The following FAM178B variants were observed in gnomAD, a reference collection of about 807,000 sequenced individuals.
FAM178B encodes family with sequence similarity 178 member B, also known as protein FAM178B.
FAM178B carries 82 observed loss-of-function variants against 91.7 expected under a neutral mutation model. That is an observed-to-expected ratio of 0.89 (90% CI 0.75 to 1.07). FAM178B has a LOEUF of 1.07. Ranked by LOEUF, FAM178B falls within the 50% of genes least tolerant of loss-of-function variation. The pLI, the probability that FAM178B is intolerant of heterozygous loss-of-function variation, is 0.00. For missense variants in FAM178B, 769 were observed against 846.7 expected (o/e 0.91, Z 1.14); for synonymous variants, 368 against 359.4 (o/e 1.02, Z -0.27).
chr2:96,955,844 C>T (rs1475368909), intron 6 of FAM178B, among the ~76,000 whole-genome samples: 7 of 152,182 alleles, frequency 4.6e-5, no homozygotes, highest in Non-Finnish European at 8.8e-5. Context: ...GTTTATTGCA[C>T]CTGGGCTTCA....
intron 6 of FAM178B, among the ~76,000 whole-genome samples, chr2:96,957,607 C>T (rs1019551855): frequency 2.6e-5 from 4 of 152,218 alleles, no homozygotes; most frequent in African/African-American, 7.2e-5. Context: ...ACTTCCTGCA[C>T]GCCATCCACT....
intron 1 of FAM178B, 107 bp from the exon 2 acceptor site, chr2:96,972,713 G>A (rs1293405143): frequency 3.0e-6 from 3 of 1,009,612 alleles, no homozygotes; most frequent in East Asian, 2.6e-5. Flanking sequence ...TGCCCAAGAG[G>A]GTCCGCCCTG....
chr2:96,931,933 G>A (rs1325667465), intron 8 of FAM178B, among the ~76,000 whole-genome samples: 1 of 151,266 alleles, frequency 6.6e-6, no homozygotes, highest in Non-Finnish European at 1.5e-5. Context: ...CCTCACAAAC[G>A]AGCTGGGAAG....
Position 96,986,518 on chromosome 2 carries a change from C to A in FAM178B, c.-205G>T. Reference sequence around the variant, plus strand: ...AGTTCTGGGGATTGAGTTCCGACTCCAAACCAAGCGGCCAGCTCACAGCCG... The same window carrying A: ...AGTTCTGGGGATTGAGTTCCGACTCAAAACCAAGCGGCCAGCTCACAGCCG... On this transcript the variant is annotated 5_prime_UTR_variant, in exon 1 of 17. Transcript: ENST00000490605. 1 of 625,998 alleles carries A rather than the reference C, an allele frequency of 1.6e-6. No homozygotes were observed. The highest frequency in any genetic ancestry group is 3.2e-5 in the East Asian group (1 of 30,814). The allele number at this position is 625,998 out of a possible 1,614,324, so 38.8% of individuals were successfully genotyped here.
At chr2:96,888,409 GAA>G (rs1448192869) in intron 14 of FAM178B, among the ~76,000 whole-genome samples, 1 of 152,270 alleles carries the variant, frequency 6.6e-6, no homozygotes, top group African/African-American at 2.4e-5. Context: ...CGAGAATGGA[GAA>G]AGAGGCTCCA....
chr2:96,937,302 T>C (rs1335880924), intron 8 of FAM178B, among the ~76,000 whole-genome samples: 1 of 152,212 alleles, frequency 6.6e-6, no homozygotes, highest in Non-Finnish European at 1.5e-5. Flanking sequence ...GACTAGGCTT[T>C]GGAATTTTAA....
intron 1 of FAM178B, among the ~76,000 whole-genome samples, chr2:96,984,856 T>C (rs931903792): frequency 2.0e-5 from 3 of 152,212 alleles, no homozygotes; most frequent in African/African-American, 7.2e-5. Context: ...TCATCTTCTC[T>C]GCCTGCGTCT....
chr2:96,968,110 C>G (rs1055156274), intron 4 of FAM178B, among the ~76,000 whole-genome samples: 2 of 151,604 alleles, frequency 1.3e-5, no homozygotes, highest in African/African-American at 4.8e-5. Flanking sequence ...CACACCAAGG[C>G]CTAGGGCTAG....
chr2:96,898,711 T>A (rs2080869370), intron 13 of FAM178B, among the ~76,000 whole-genome samples: 1 of 152,150 alleles, frequency 6.6e-6, no homozygotes, highest in Non-Finnish European at 1.5e-5. Context: ...AGTTCCCCTA[T>A]CTGTAAAATA....
At chr2:96,976,773 G>A (rs1179062164) in intron 1 of FAM178B, among the ~76,000 whole-genome samples, 1 of 151,992 alleles carries the variant, frequency 6.6e-6, no homozygotes, top group East Asian at 1.9e-4. Flanking sequence ...GCTTGAACCT[G>A]GGAGGCGGAG....
chr2:96,889,664 C>A (rs2080617287), intron 14 of FAM178B, among the ~76,000 whole-genome samples: 1 of 143,230 alleles, frequency 7.0e-6, no homozygotes, highest in Non-Finnish European at 1.5e-5. Flanking sequence ...GGTGACAGAG[C>A]AAGACTCTGT....
rs1309465953 is a variant in FAM178B, at chr2:96,921,494, C to T, written c.1448G>A (p.Arg483Gln). The T allele has an allele frequency of 1.9e-5, 29 of 1,551,526 alleles. No homozygotes were observed. The highest frequency in any genetic ancestry group is 6.8e-5 in the African/African-American group (5 of 73,022). The change falls in exon 11 of 17, where the codon CGG becomes CAG. Residue 483 changes from arginine to glutamine, a missense_variant. Coordinates refer to ENST00000490605, the MANE Select transcript of FAM178B (RefSeq NM_001122646.3). ...GTCTAGTACCTTCCCTGGCCACTCCCGGATGTTCTCCAGGAGCAAGAGGAG... is the reference window on the plus strand; with the variant it reads ...GTCTAGTACCTTCCCTGGCCACTCCTGGATGTTCTCCAGGAGCAAGAGGAG... ...QLLLLLLENI[R>Q]EWPGKLQELC...
intron 9 of FAM178B, among the ~76,000 whole-genome samples, chr2:96,927,241 C>T (rs879705649): frequency 9.2e-5 from 14 of 152,188 alleles, no homozygotes; most frequent in African/African-American, 3.4e-4. Context: ...CGCCATCCTC[C>T]TACCCCGAGG....
chr2:96,930,894 G>C (rs961427172), intron 8 of FAM178B, among the ~76,000 whole-genome samples: 1 of 152,140 alleles, frequency 6.6e-6, no homozygotes, highest in Admixed American at 6.6e-5. Flanking sequence ...TGCCACATAA[G>C]GAATTGGCCA....
chr2:96,917,226 C>T (rs549325366), intron 12 of FAM178B, among the ~76,000 whole-genome samples: 22 of 152,236 alleles, frequency 1.4e-4, no homozygotes, highest in East Asian at 1.4e-3. Flanking sequence ...TGGTACCTTA[C>T]GAATTTTGTT....
intron 4 of FAM178B, 63 bp downstream of exon 4, chr2:96,970,653 C>G (rs2082205091): frequency 1.5e-6 from 2 of 1,303,656 alleles, no homozygotes; most frequent in Non-Finnish European, 2.2e-6. Flanking sequence ...TGCAGTGAGT[C>G]CCGGGACTGC....
rs188275604 is a variant in FAM178B at position 96,984,282 on chromosome 2, C to T, written c.73+1959G>A. 5.3e-5 allele frequency among the ~76,000 whole-genome samples: 8 copies of T among 152,292 alleles called. No homozygotes were observed. In the East Asian group the frequency reaches 1.5e-3, roughly 29 times the overall value. On this transcript the variant is annotated intron_variant, in intron 1 of 16. Coordinates refer to ENST00000490605, the MANE Select transcript of FAM178B (RefSeq NM_001122646.3). ...CCAAAGTGGTACATAAAAACTTTCACTCCGCCACCAGGAAGACAATTTGCC... is the reference window on the plus strand; with the variant it reads ...CCAAAGTGGTACATAAAAACTTTCATTCCGCCACCAGGAAGACAATTTGCC...
At chr2:96,886,589 C>T (rs941951694) in intron 14 of FAM178B, among the ~76,000 whole-genome samples, 1 of 152,206 alleles carries the variant, frequency 6.6e-6, no homozygotes, top group African/African-American at 2.4e-5. Context: ...TTGGGTCCCT[C>T]TAAGTCTGAT....
At chr2:96,965,673 C>T (rs889153639) in intron 5 of FAM178B, among the ~76,000 whole-genome samples, 4 of 152,108 alleles carry the variant, frequency 2.6e-5, no homozygotes, top group African/African-American at 7.2e-5. Context: ...CCTGTGTTGC[C>T]GGGGCTGGTC....
Sources: gnomAD v4.1 joint callset for allele counts (sites outside exome capture counted in the v4.1 genomes callset) on GRCh38, gnomAD v4.1.1 for gene constraint, MANE v1.5 for transcripts, NCBI Gene and HGNC (gene_info 2026-07-23, HGNC 2026-07-21) for gene names.